RAB30: variants seen among roughly 807,000 people sequenced by gnomAD.
RAB30 encodes the protein ras-related protein Rab-30.
RAB30 carries 9 observed loss-of-function variants against 25.1 expected under a neutral mutation model. The observed-to-expected ratio is 0.36, with a 90% CI of 0.22 to 0.63. The LOEUF is 0.63. Ranked by LOEUF, RAB30 falls within the 20% of genes least tolerant of loss-of-function variation. The pLI is 0.69. For missense variants in RAB30, 140 were observed against 243.5 expected (o/e 0.58, Z 2.83); for synonymous variants, 77 against 86.4 (o/e 0.89, Z 0.60).
intron 1 of RAB30, among the ~76,000 whole-genome samples, chr11:83,056,443 T>C (rs1858460215): frequency 6.6e-6 from 1 of 152,202 alleles, no homozygotes; most frequent in South Asian, 2.1e-4. Flanking sequence ...GGCACTTGGG[T>C]TGCTTCCATC....
At chr11:83,014,634 A>AAAAGAAAGAAAGAAAGAAAGAAAGAAAG (rs58927757) in intron 1 of RAB30, among the ~76,000 whole-genome samples, 3 of 112,708 alleles carry the variant, frequency 2.7e-5, no homozygotes, top group East Asian at 5.2e-4. Context: ...AGAAGTAAGA[A>AAAAGAAAGAAAGAAAGAAAGAAAGAAAG]AAAGAAAGAA....
chr11:83,050,122 G>A (rs752798134), intron 1 of RAB30, among the ~76,000 whole-genome samples: 3 of 152,064 alleles, frequency 2.0e-5, no homozygotes, highest in Admixed American at 6.6e-5. Context: ...AATTAGCTGG[G>A]CATGGTGGTG....
chr11:83,002,066 G>C (rs1290788868), intron 1 of RAB30, among the ~76,000 whole-genome samples: 4 of 152,156 alleles, frequency 2.6e-5, no homozygotes, highest in Non-Finnish European at 5.9e-5. Flanking sequence ...CTCAGGAACA[G>C]GATTCAAACC....
Position 82,977,706 on chromosome 11 carries a change from T to A in RAB30, c.*4459A>T, listed in dbSNP as rs1856568262. ...CCTAAGTCTCCCCAAATCCTTCAAG[T>A]ATTCTTTAAATGGCTTGCATTTAAA... On this transcript the variant is annotated 3_prime_UTR_variant, in exon 5 of 5. Coordinates refer to ENST00000527633, the MANE Select transcript of RAB30 (RefSeq NM_001286060.2). The A allele has an allele frequency of 6.6e-6, 1 of 152,170 alleles. No homozygotes were observed. Among genetic ancestry groups the A allele is most frequent in the Non-Finnish European group, 1.5e-5 (1 of 68,030 alleles). The allele number at this position is 152,170 out of a possible 1,614,324, so 9.4% of individuals were successfully genotyped here.
intron 1 of RAB30, chr11:83,041,641 A>C (rs903357896): frequency 6.5e-6 from 1 of 154,684 alleles, no homozygotes; most frequent in African/African-American, 2.4e-5. Context: ...TCTGTTTCTT[A>C]ATCTGGATAC....
chr11:82,974,891 A>G lies in RAB30; in HGVS notation c.*7274T>C, dbSNP rs1856515382. 2 of 147,966 alleles carry G rather than the reference A, an allele frequency of 1.4e-5. No individual in the cohort carries two copies. Among genetic ancestry groups the G allele is most frequent in the South Asian group, 2.1e-4 (1 of 4,726 alleles). The allele number at this position is 147,966 out of a possible 1,614,324, so 9.2% of individuals were successfully genotyped here. ...CACTTTTCCCTTCAGATTATCAAAA[A>G]CCTCTTTTTACTCCTGTATTATCTG... On this transcript the variant is annotated 3_prime_UTR_variant, in exon 5 of 5. Coordinates refer to ENST00000527633, the MANE Select transcript of RAB30 (RefSeq NM_001286060.2).
Position 83,014,611 on chromosome 11 carries a change from GACAA to G in RAB30, c.-8-17291_-8-17288del, listed in dbSNP as rs1485134748. Among the ~76,000 whole-genome samples the G allele has an allele frequency of 1.8e-3, 233 of 130,476 alleles. 4 individuals are homozygous for G. Among genetic ancestry groups the G allele is most frequent in the Middle Eastern group, 8.3e-3 (2 of 242 alleles). 85.6% of individuals were successfully genotyped at this position (130,476 alleles called of 152,430 possible). On this transcript the variant is annotated intron_variant, in intron 1 of 4. Coordinates refer to ENST00000527633, the MANE Select transcript of RAB30 (RefSeq NM_001286060.2). ...AAAGAGAGAGGCAGAGGCAGAGAGA[GACAA>G]AGAAAGAAAGAAGTAAGAAAAAGAA... is the stretch of plus-strand genomic sequence containing the variant.
At chr11:83,030,473 G>A (rs1857830058) in intron 1 of RAB30, among the ~76,000 whole-genome samples, 4 of 152,032 alleles carry the variant, frequency 2.6e-5, no homozygotes, top group African/African-American at 7.2e-5. Flanking sequence ...ACTCCAGCCT[G>A]AGAAACAAAG....
chr11:83,032,121 T>C (rs891291565), intron 1 of RAB30, among the ~76,000 whole-genome samples: 12 of 149,962 alleles, frequency 8.0e-5, no homozygotes, highest in Admixed American at 2.6e-4. Flanking sequence ...CCCTATCAGA[T>C]GTCTCAATAG....
At chr11:83,034,431 C>G (rs1857943497) in intron 1 of RAB30, 1 of 152,242 alleles carries the variant, frequency 6.6e-6, no homozygotes, top group Non-Finnish European at 1.5e-5. Flanking sequence ...ATTTTGCACT[C>G]AGTAAATCCT....
chr11:83,025,491 A>T (rs1441525525), intron 1 of RAB30, among the ~76,000 whole-genome samples: 1 of 152,228 alleles, frequency 6.6e-6, no homozygotes, highest in African/African-American at 2.4e-5. Context: ...TATTTACCAA[A>T]CAGTTGTGCT....
intron 1 of RAB30, among the ~76,000 whole-genome samples, chr11:83,014,623 A>G (rs961549422): frequency 1.1e-4 from 16 of 148,532 alleles, no homozygotes; most frequent in Non-Finnish European, 2.2e-4. Context: ...CAAAGAAAGA[A>G]AGAAGTAAGA....
chr11:83,055,656 C>A (rs77024077), intron 1 of RAB30, among the ~76,000 whole-genome samples: 4,052 of 152,300 alleles, frequency 0.027, 78 homozygotes, highest in Non-Finnish European at 0.036. Context: ...GAAATTTAAT[C>A]CCCAATGCAT....
intron 1 of RAB30, among the ~76,000 whole-genome samples, chr11:83,000,872 T>C (rs1450479952): frequency 1.8e-5 from 2 of 109,282 alleles, no homozygotes; most frequent in African/African-American, 8.5e-5. Context: ...AAACCCCGTC[T>C]CTACTAAAAA....
At chr11:83,047,818 G>A (rs1858265358) in intron 1 of RAB30, among the ~76,000 whole-genome samples, 1 of 152,120 alleles carries the variant, frequency 6.6e-6, no homozygotes, top group Non-Finnish European at 1.5e-5. Context: ...AGGGCTGAGA[G>A]TGCTTTTCCA....
chr11:83,050,725 G>A (rs1466355968), intron 1 of RAB30, among the ~76,000 whole-genome samples: 1 of 151,710 alleles, frequency 6.6e-6, no homozygotes, highest in African/African-American at 2.4e-5. Context: ...TTTTATAATG[G>A]CATCTTAGCA....
At chr11:83,031,674 T>C (rs987109036) in intron 1 of RAB30, among the ~76,000 whole-genome samples, 3 of 152,076 alleles carry the variant, frequency 2.0e-5, no homozygotes, top group Non-Finnish European at 4.4e-5. Flanking sequence ...ATTATAGGCA[T>C]GTGCCATCAT....
intron 1 of RAB30, among the ~76,000 whole-genome samples, chr11:83,063,002 CAAAA>C (rs34529308): frequency 9.8e-6 from 1 of 101,794 alleles, no homozygotes. Flanking sequence ...GACTCCGTCT[CAAAA>C]AAAAAAAAAA....
At position 82,990,741 on chromosome 11, in the gene RAB30, A is replaced by G. The variant is rs142270493; in HGVS notation, c.178-2971T>C. Among the ~76,000 whole-genome samples, 7 of 152,204 alleles carry G rather than the reference A, an allele frequency of 4.6e-5. No homozygotes were observed. In the East Asian group the frequency reaches 1.3e-3, roughly 29 times the overall value. On this transcript the variant is annotated intron_variant, in intron 3 of 4. Coordinates refer to ENST00000527633, the MANE Select transcript of RAB30 (RefSeq NM_001286060.2). ...TAATTTATAATAGACTAAAATATAT[A>G]TGAGAAAGTTCTGTGTTTTTTCCAT... is the stretch of plus-strand genomic sequence containing the variant.
Sources: allele counts gnomAD v4.1 joint callset (sites outside exome capture counted in the v4.1 genomes callset), GRCh38; gene constraint gnomAD v4.1.1; transcripts MANE v1.5; gene names NCBI Gene and HGNC (gene_info 2026-07-23, HGNC 2026-07-21).